TTN: variants seen among roughly 807,000 people sequenced by gnomAD.
TTN encodes the protein titin, also known as connectin.
TTN carries 1,525 observed loss-of-function variants against 3,223.0 expected under a neutral mutation model. The observed-to-expected ratio is 0.47, with a 90% CI of 0.45 to 0.49. The LOEUF (loss-of-function observed/expected upper bound fraction) is 0.49, where lower values mean the gene tolerates loss of function less well. Among genes scored for constraint, TTN ranks in the 20% least tolerant of loss-of-function variants. The pLI, the probability that TTN is intolerant of heterozygous loss-of-function variation, is 0.00. For synonymous variants in TTN, 14,094 were observed against 15,161.0 expected, an observed-to-expected ratio of 0.93 and a Z score of 5.17; for missense variants, 40,786 against 43,424.0, an observed-to-expected ratio of 0.94 and a Z score of 5.40.
rs878879858 is a variant in TTN at position 178,679,645 on chromosome 2, C to T, written c.33618G>A (p.Lys11206=). 1.2e-6 allele frequency: 2 copies of T among 1,611,296 alleles called. No homozygotes were observed. The highest frequency in any genetic ancestry group is 2.7e-5 in the African/African-American group (2 of 74,590). The change falls in exon 141 of 363, where the codon AAG becomes AAA. Residue 11206 remains lysine, a synonymous_variant. Coordinates refer to ENST00000589042, the MANE Select transcript of TTN (RefSeq NM_001267550.2). ...EVPRKPVPEE[K]KPVPVPKKKE... is the part of the protein sequence containing the mutation. ...TCTTCTTGGGAACAGGAACAGGTTT[C>T]TTCTCTTCTGGAACAGGTTTCCTGG...
chr2:178,702,075 T>TA lies in TTN; in HGVS notation c.30512-10dup, dbSNP rs397517532. 78,950 of 1,473,500 alleles carry TA rather than the reference T, an allele frequency of 0.054. 2,713 individuals carry two copies. The highest frequency in any genetic ancestry group is 0.19 in the African/African-American group (13,795 of 71,526). 91.3% of individuals were successfully genotyped at this position (1,473,500 alleles called of 1,614,324 possible). A position where few individuals can be genotyped will look rare whatever the true frequency, so the allele number is the denominator to read the frequency against. ...CAGCTCAAGTTTGATTTCTGCAAAA[T>TA]AAAAAAAAAATGATATTTTTGTGTT... On this transcript the variant is annotated splice_polypyrimidine_tract_variant and intron_variant, in intron 108 of 362. Coordinates refer to ENST00000589042, the MANE Select transcript of TTN (RefSeq NM_001267550.2).
rs1211705533 is a variant in TTN at position 178,721,254 on chromosome 2, A to AAGAGCTT, written c.22817-59_22817-53dup. 5.1e-6 allele frequency: 7 copies of AAGAGCTT among 1,366,520 alleles called. No individual in the cohort carries two copies. The African/African-American group carries it at 8.7e-5, about 17-fold the overall frequency. The allele number at this position is 1,366,520 out of a possible 1,614,324, so 84.6% of individuals were successfully genotyped here. ...AAGGGATATTTATTATACATGTTAA[A>AAGAGCTT]AGAGCTTGTTTTTGTAGCTGAAGAT... is the stretch of plus-strand genomic sequence containing the variant. On this transcript the variant is annotated intron_variant, in intron 78 of 362. Transcript: ENST00000589042.
At position 178,731,731 on chromosome 2, in the gene TTN, A is replaced by T; in HGVS notation, c.17144T>A (p.Val5715Glu). 6 of 1,613,420 alleles carry T rather than the reference A, an allele frequency of 3.7e-6. No homozygotes were observed. The highest frequency in any genetic ancestry group is 5.1e-6 in the Non-Finnish European group (6 of 1,179,470). Residue 5715 changes from valine to glutamate, a missense_variant, in exon 58 of 363, where the codon GTG becomes GAG. Physicochemically the swap from Val to Glu is moderately radical, Grantham distance 121 (BLOSUM62 -2). Coordinates refer to ENST00000589042, the MANE Select transcript of TTN (RefSeq NM_001267550.2). ...GEYQCRVTNE[V>E]GSSICSARVT... Reference sequence around the variant, plus strand: ...CCTGGCACTGCAGATGCTGCTGCCCACCTCATTGGTCACCCGACACTGGTA... The same window carrying T: ...CCTGGCACTGCAGATGCTGCTGCCCTCCTCATTGGTCACCCGACACTGGTA...
intron 336 of TTN, 90 bp downstream of exon 336, chr2:178,550,875 TTC>T: frequency 8.1e-7 from 1 of 1,230,914 alleles, no homozygotes. Flanking sequence ...GGTAATTTGT[TTC>T]TGTTACCATT....
intron 119 of TTN, 87 bp downstream of exon 119, chr2:178,693,519 CTAT>C: frequency 1.1e-6 from 1 of 945,844 alleles, no homozygotes; most frequent in Middle Eastern, 3.1e-4. Flanking sequence ...GTGACTAAAT[CTAT>C]TATTTAATAC....
At chr2:178,601,595 G>T (rs761458074) in intron 286 of TTN, 31 bp from the exon 287 acceptor site, 3 of 1,591,264 alleles carry the variant, frequency 1.9e-6, no homozygotes, top group Non-Finnish European at 2.6e-6. Flanking sequence ...TATAAGCAAC[G>T]TTCCTTAAAT....
chr2:178,764,421 A>G, intron 42 of TTN, 106 bp downstream of exon 42: 2 of 1,610,408 alleles, frequency 1.2e-6, no homozygotes, highest in East Asian at 4.5e-5. Flanking sequence ...GTTGGGTAGC[A>G]ATCTACTTTT....
chr2:178,580,817 AG>A (rs1193827357), intron 316 of TTN: 1 of 563,590 alleles, frequency 1.8e-6, no homozygotes, highest in Non-Finnish European at 3.0e-6. Flanking sequence ...AGGCTTAACC[AG>A]GTTTTCCCCC....
At chr2:178,618,514 T>C (rs750879878) in intron 251 of TTN, 23 bp from the exon 252 acceptor site, 1 of 1,609,358 alleles carries the variant, frequency 6.2e-7, no homozygotes, top group South Asian at 1.1e-5. Flanking sequence ...TATAGAGGAA[T>C]TTTTTTAGTG....
rs1553715070 is a variant in TTN at position 178,620,223 on chromosome 2, C to T, written c.46298G>A (p.Gly15433Asp). 1 of 1,535,512 alleles carries T rather than the reference C, an allele frequency of 6.5e-7. No homozygotes were observed. The highest frequency in any genetic ancestry group is 8.7e-7 in the Non-Finnish European group (1 of 1,145,678). The part of the protein sequence containing the change: ...WYRNGREIKE[G>D]KKYKFEKDGS... ...ATAAAAAGATCTTGCTTACTTTTTG[C>T]CTTCTTTGATTTCTCTCCCATTTCT... Residue 15433 changes from glycine (G) to aspartate (D), a missense_variant, in exon 248 of 363, where the codon GGC becomes GAC. Physicochemically the swap from Gly to Asp is moderately conservative, Grantham distance 94. Coordinates refer to ENST00000589042, the MANE Select transcript of TTN (RefSeq NM_001267550.2).
At position 178,545,827 on chromosome 2, in the gene TTN, G is replaced by A. The variant is rs727505040; in HGVS notation, c.95409C>T (p.Asn31803=). ...AAAAGTGTTAATACTTACTGAATGA[G>A]TTTCTGGCTACAATTGGCTCTGATT... is the stretch of plus-strand genomic sequence containing the variant. The part of the protein sequence containing the change: ...PVESEPIVAR[N]SFTIPSPPGI... Residue 31803 remains asparagine (N), a synonymous_variant, in exon 343 of 363, where the codon AAC becomes AAT. Transcript: ENST00000589042. The A allele has an allele frequency of 5.0e-6, 8 of 1,613,056 alleles. No homozygotes were observed. Among genetic ancestry groups the A allele is most frequent in the Admixed American group, 3.3e-5 (2 of 59,998 alleles).
Position 178,609,535 on chromosome 2 carries a change from C to T in TTN, c.51775G>A (p.Val17259Met). The T allele has an allele frequency of 6.2e-7, 1 of 1,610,968 alleles. No individual in the cohort carries two copies. The highest frequency in any genetic ancestry group is 8.5e-7 in the Non-Finnish European group (1 of 1,178,214). Residue 17259 changes from valine to methionine, a missense_variant, in exon 273 of 363, where the codon GTG (valine) becomes ATG (methionine). Coordinates refer to ENST00000589042, the MANE Select transcript of TTN (RefSeq NM_001267550.2). The stretch of plus-strand genomic sequence containing the variant: ...AGTGCTATTTCATCACCTCGTTTCA[C>T]TTCTAGGCTTGTTCTCAGAATGACT... ...PKVILRTSLEVKRGDEIALDA... is the reference protein window; with the variant it reads ...PKVILRTSLEMKRGDEIALDA...
intron 149 of TTN, chr2:178,675,327 C>T: frequency 2.5e-6 from 1 of 397,898 alleles, no homozygotes; most frequent in Non-Finnish European, 4.4e-6. Flanking sequence ...CTACTTTTTA[C>T]TGCTGGAGCC....
intron 313 of TTN, 103 bp downstream of exon 313, chr2:178,582,837 C>T: frequency 9.3e-7 from 1 of 1,077,802 alleles, no homozygotes; most frequent in Non-Finnish European, 1.3e-6. Context: ...ATAGGAAATA[C>T]ACATTAGAAT....
Position 178,774,909 on chromosome 2 carries a change from G to A in TTN, c.6790+12C>T, listed in dbSNP as rs200187117. ...GCTTAGGTAAACAATGAAATCCTTC[G>A]TTGTTGAATACCTTCAACAATAAGT... On this transcript the variant is annotated intron_variant, in intron 29 of 362. Coordinates refer to ENST00000589042, the MANE Select transcript of TTN (RefSeq NM_001267550.2). 3.4e-4 allele frequency: 543 copies of A among 1,612,946 alleles called. 3 individuals carry two copies. The highest frequency in any genetic ancestry group is 6.6e-4 in the Middle Eastern group (4 of 6,078).
At chr2:178,643,719 CATG>C (rs2061532363) in intron 218 of TTN, among the ~76,000 whole-genome samples, 1 of 151,620 alleles carries the variant, frequency 6.6e-6, no homozygotes, top group African/African-American at 2.4e-5. Flanking sequence ...GATCAATATC[CATG>C]ATAACATTAT....
chr2:178,723,193 T>A lies in TTN; in HGVS notation c.21814A>T (p.Thr7272Ser). The A allele has an allele frequency of 6.2e-7, 1 of 1,613,460 alleles. No homozygotes were observed. Among genetic ancestry groups the A allele is most frequent in the Non-Finnish European group, 8.5e-7 (1 of 1,179,624 alleles). The change falls in exon 75 of 363, where the codon ACC becomes TCC. Residue 7272 changes from threonine (T) to serine (S), a missense_variant. Physicochemically the swap from Thr to Ser is moderately conservative, Grantham distance 58. Transcript: ENST00000589042. ...GTGACTATGTTACATTTTTCAGAGG[T>A]AGTTATGTTAAAACCATCCTTTTTC... ...TWKKDGFNITTSEKCNIVTTE... is the reference protein window; with the variant it reads ...TWKKDGFNITSSEKCNIVTTE...
chr2:178,727,037 CA>C (rs888751713), intron 69 of TTN, 52 bp downstream of exon 69: 1 of 1,391,932 alleles, frequency 7.2e-7, no homozygotes, highest in African/African-American at 1.5e-5. Flanking sequence ...CTATAATACC[CA>C]GGGGAGAAGG....
In TTN at chr2:178,568,643, G is replaced by T. The variant is rs1475904379; in HGVS notation, c.77489C>A (p.Thr25830Asn). 6.2e-7 allele frequency: 1 copy of T among 1,613,322 alleles called. No individual in the cohort carries two copies. Among genetic ancestry groups the T allele is most frequent in the South Asian group, 1.1e-5 (1 of 91,046 alleles). The stretch of plus-strand genomic sequence containing the variant: ...CAGTGGGAGACCATCTTTAGTCCAG[G>T]TAATGGTTGGCTTAGGACGTCCAGA... The part of the protein sequence containing the change: ...PISGRPKPTI[T>N]WTKDGLPLKQ... Residue 25830 changes from threonine (T) to asparagine (N), a missense_variant, in exon 326 of 363, where the codon ACC becomes AAC. By Grantham distance (65) the Thr-to-Asn change is moderately conservative. Transcript: ENST00000589042.
Sources: allele counts gnomAD v4.1 joint callset (sites outside exome capture counted in the v4.1 genomes callset), GRCh38; gene constraint gnomAD v4.1.1; transcripts MANE v1.5; gene names NCBI Gene and HGNC (gene_info 2026-07-23, HGNC 2026-07-21).